GGTA1: variants seen among roughly 807,000 people sequenced by gnomAD.
GGTA1 encodes the protein glycoprotein alpha-galactosyltransferase 1 (inactive).
A neutral mutation model predicts 2.6 loss-of-function variants in GGTA1; 5 were observed. The observed-to-expected ratio is 1.92, with a 90% CI of 1.00 to 4.04. The LOEUF (loss-of-function observed/expected upper bound fraction) is 4.04, where lower values mean the gene tolerates loss of function less well. GGTA1 is among the 30% of genes most tolerant of loss of function. GGTA1 has a pLI of 0.00. For missense variants in GGTA1, 50 were observed against 16.7 expected (o/e 2.99, Z -3.47); for synonymous variants, 17 against 5.0 (o/e 3.38, Z -3.19).
At chr9:121,498,273 G>A (rs932841144) in intron 1 of GGTA1, among the ~76,000 whole-genome samples, 2 of 152,222 alleles carry the variant, frequency 1.3e-5, no homozygotes, top group East Asian at 3.8e-4. Flanking sequence ...CTAGGGACTC[G>A]TTCAGCTCTG....
intron 1 of GGTA1, among the ~76,000 whole-genome samples, chr9:121,496,730 T>A (rs1829000129): frequency 9.7e-4 from 2 of 2,068 alleles, no homozygotes; most frequent in Non-Finnish European, 2.2e-3. Flanking sequence ...AGGCTCCATC[T>A]CAAAAAAAAA....
rs1232012435 is a variant in GGTA1, at chr9:121,463,300, G to GATAT, written c.105_108dup (p.His37IlefsTer9). The GATAT allele has an allele frequency of 2.2e-6, 1 of 453,156 alleles. No homozygotes were observed. The highest frequency in any genetic ancestry group is 4.4e-6 in the Non-Finnish European group (1 of 225,636). 28.1% of individuals were successfully genotyped at this position (453,156 alleles called of 1,614,324 possible). A position where few individuals can be genotyped will look rare whatever the true frequency, so the allele number is the denominator to read the frequency against. Reference sequence around the variant, plus strand: ...AGAATTCAAAGCACTTACTTTGAGTGATATATCCACAAGAAAGAGCCTTCT... The same window carrying GATAT: ...AGAATTCAAAGCACTTACTTTGAGTGATATATATATCCACAAGAAAGAGCCTTCT... On this transcript the variant is annotated frameshift_variant, in exon 3 of 6. Transcript: ENST00000481799. LOFTEE classifies it high-confidence loss of function.
chr9:121,472,153 G>A (rs1320439550), intron 1 of GGTA1, among the ~76,000 whole-genome samples: 1 of 152,210 alleles, frequency 6.6e-6, no homozygotes, highest in Non-Finnish European at 1.5e-5. Flanking sequence ...ATCCCACTGA[G>A]TGAGGCTGTT....
intron 1 of GGTA1, among the ~76,000 whole-genome samples, chr9:121,477,266 C>A (rs1393300938): frequency 6.6e-6 from 1 of 152,154 alleles, no homozygotes; most frequent in Non-Finnish European, 1.5e-5. Context: ...TAAAAAGCAC[C>A]CATTGATTAA....
At chr9:121,495,713 T>C (rs566441116) in intron 1 of GGTA1, among the ~76,000 whole-genome samples, 1 of 152,346 alleles carries the variant, frequency 6.6e-6, no homozygotes, top group Middle Eastern at 3.4e-3. Context: ...CCTGGACTGC[T>C]CTGAACCATT....
intron 5 of GGTA1, among the ~76,000 whole-genome samples, chr9:121,456,934 A>G (rs1459818142): frequency 6.6e-6 from 1 of 152,218 alleles, no homozygotes; most frequent in Non-Finnish European, 1.5e-5. Flanking sequence ...AGCCTCCCAA[A>G]GTGCTGGAAT....
chr9:121,481,950 C>G (rs1828662721), intron 1 of GGTA1, among the ~76,000 whole-genome samples: 1 of 150,616 alleles, frequency 6.6e-6, no homozygotes, highest in African/African-American at 2.4e-5. Context: ...GAGCCGAGAT[C>G]ATGCCATTGC....
intron 1 of GGTA1, among the ~76,000 whole-genome samples, chr9:121,482,304 C>CA (rs1262189254): frequency 6.6e-6 from 1 of 151,928 alleles, no homozygotes; most frequent in Non-Finnish European, 1.5e-5. Flanking sequence ...CCCATCTCCA[C>CA]AAAAAATGTA....
intron 3 of GGTA1, among the ~76,000 whole-genome samples, chr9:121,462,040 G>A (rs578146185): frequency 6.6e-6 from 1 of 152,166 alleles, no homozygotes; most frequent in South Asian, 2.1e-4. Flanking sequence ...TTCAAGGTGG[G>A]GGGTCGGGCA....
At chr9:121,469,134 G>T (rs1828321421) in intron 1 of GGTA1, among the ~76,000 whole-genome samples, 2 of 152,140 alleles carry the variant, frequency 1.3e-5, no homozygotes, top group Admixed American at 1.3e-4. Flanking sequence ...AAAAAGCAGG[G>T]GTGCTGTGTG....
downstream of GGTA1, among the ~76,000 whole-genome samples, chr9:121,451,228 T>C (rs1353355403): frequency 6.6e-6 from 1 of 152,234 alleles, no homozygotes; most frequent in Admixed American, 6.5e-5. Flanking sequence ...AGACAGAGTC[T>C]GCTCTGTCAC....
intron 1 of GGTA1, among the ~76,000 whole-genome samples, chr9:121,496,046 A>G (rs774260986): frequency 2.6e-5 from 4 of 152,252 alleles, no homozygotes; most frequent in Admixed American, 6.5e-5. Context: ...CAGTTGACCC[A>G]TAGAGACTAA....
At chr9:121,463,414 G>A (rs2064977065) in intron 2 of GGTA1, 86 bp from the exon 3 acceptor site, 1 of 420,720 alleles carries the variant, frequency 2.4e-6, no homozygotes, top group Non-Finnish European at 4.7e-6. Context: ...CTGAGCCCGG[G>A]GCTGAGCTAA....
chr9:121,455,327 C>A lies in GGTA1; in HGVS notation c.*510G>T, dbSNP rs1377081139. The stretch of plus-strand genomic sequence containing the variant: ...TAGCTTGTCAAAGATCTTTTAGTAG[C>A]TCTAACATAGCCCACTAGCTAAGTC... On this transcript the variant is annotated 3_prime_UTR_variant, in exon 6 of 6. Transcript: ENST00000481799. 1 of 152,234 alleles carries A rather than the reference C, an allele frequency of 6.6e-6. No individual in the cohort carries two copies. The highest frequency in any genetic ancestry group is 2.4e-5 in the African/African-American group (1 of 41,436). 9.4% of individuals were successfully genotyped at this position (152,234 alleles called of 1,614,324 possible).
intron 1 of GGTA1, among the ~76,000 whole-genome samples, chr9:121,490,058 C>T (rs1242657661): frequency 5.3e-5 from 8 of 152,156 alleles, no homozygotes; most frequent in African/African-American, 1.9e-4. Flanking sequence ...AAGGAACTTG[C>T]GAAGAATTTC....
intron 2 of GGTA1, among the ~76,000 whole-genome samples, chr9:121,467,145 C>T (rs1405826959): frequency 1.3e-5 from 2 of 152,150 alleles, no homozygotes; most frequent in African/African-American, 2.4e-5. Flanking sequence ...GAGTCAAAGG[C>T]ATCAGGCATT....
intron 1 of GGTA1, among the ~76,000 whole-genome samples, chr9:121,495,102 T>G (rs995761069): frequency 2.6e-5 from 4 of 151,918 alleles, no homozygotes; most frequent in Admixed American, 2.6e-4. Context: ...GTATTTTTAG[T>G]AGAGATGGGG....
At chr9:121,461,104 G>A in intron 4 of GGTA1, 148 bp downstream of exon 4, 1 of 346,796 alleles carries the variant, frequency 2.9e-6, no homozygotes, top group South Asian at 2.2e-5. Context: ...AAATGTCCTA[G>A]TCCCACTCAC....
intron 3 of GGTA1, chr9:121,462,591 C>G (rs1410950130): frequency 6.6e-6 from 1 of 152,118 alleles, no homozygotes; most frequent in East Asian, 1.9e-4. Flanking sequence ...TTTCGTCACC[C>G]AGGTATATAT....
Sources: allele counts gnomAD v4.1 joint callset (sites outside exome capture counted in the v4.1 genomes callset), GRCh38; gene constraint gnomAD v4.1.1; transcripts MANE v1.5; gene names NCBI Gene and HGNC (gene_info 2026-07-23, HGNC 2026-07-21).